Variants in ARHGAP15 observed in about 807,000 individuals in gnomAD.
The protein encoded by ARHGAP15 is Rho GTPase activating protein 15, also known as rho GTPase-activating protein 15.
ARHGAP15 carries 51 observed loss-of-function variants against 63.7 expected under a neutral mutation model. The observed-to-expected ratio is 0.80, with a 90% CI of 0.64 to 1.01. The LOEUF is 1.01. Ranked by LOEUF, ARHGAP15 falls within the 50% of genes least tolerant of loss-of-function variation. The probability of loss-of-function intolerance (pLI) is 0.00; values close to 1 mark genes in which losing one functional copy is unlikely to be tolerated. For synonymous variants in ARHGAP15, 191 were observed against 193.8 expected, an observed-to-expected ratio of 0.99 and a Z score of 0.12; for missense variants, 560 against 564.6, an observed-to-expected ratio of 0.99 and a Z score of 0.08.
chr2:143,484,403 A>C (rs187152337), intron 8 of ARHGAP15, among the ~76,000 whole-genome samples: 1 of 151,588 alleles, frequency 6.6e-6, no homozygotes, highest in African/African-American at 2.4e-5. Flanking sequence ...TTAGTGGCAC[A>C]TGCCTGTAAT....
chr2:143,564,490 T>C (rs561791719), intron 11 of ARHGAP15, among the ~76,000 whole-genome samples: 3 of 152,166 alleles, frequency 2.0e-5, no homozygotes, highest in Non-Finnish European at 4.4e-5. Flanking sequence ...TATAAGTAAG[T>C]GTTTTAAAAG....
intron 6 of ARHGAP15, among the ~76,000 whole-genome samples, chr2:143,339,296 A>G (rs1477880562): frequency 6.6e-6 from 1 of 151,842 alleles, no homozygotes; most frequent in Non-Finnish European, 1.5e-5. Flanking sequence ...TCTTTTCTCT[A>G]CTCCTGAGTA....
intron 6 of ARHGAP15, among the ~76,000 whole-genome samples, chr2:143,397,569 G>A (rs13027128): frequency 0.68 from 87,993 of 130,298 alleles, 26,179 homozygotes; most frequent in Middle Eastern, 0.74. Context: ...AAAAAAAAAC[G>A]AAGAAGAAAT....
chr2:143,288,647 C>A (rs564623682), intron 6 of ARHGAP15, among the ~76,000 whole-genome samples: 1 of 151,452 alleles, frequency 6.6e-6, no homozygotes, highest in South Asian at 2.1e-4. Context: ...TCTGCAGACA[C>A]CTTAAAGGAC....
At chr2:143,382,829 G>A (rs765440318) in intron 6 of ARHGAP15, among the ~76,000 whole-genome samples, 27 of 152,136 alleles carry the variant, frequency 1.8e-4, no homozygotes, top group African/African-American at 2.7e-4. Context: ...GAGAGTTCCC[G>A]TAGCAGAAAA....
chr2:143,308,441 T>C (rs145519872), intron 6 of ARHGAP15, among the ~76,000 whole-genome samples: 1 of 151,164 alleles, frequency 6.6e-6, no homozygotes, highest in African/African-American at 2.4e-5. Context: ...AAATCAAGGG[T>C]AATTGTACCC....
intron 12 of ARHGAP15, among the ~76,000 whole-genome samples, chr2:143,674,729 G>A (rs759458957): frequency 1.3e-5 from 2 of 152,164 alleles, no homozygotes; most frequent in Non-Finnish European, 2.9e-5. Context: ...ATGCAATAGC[G>A]TTATGTTTAC....
chr2:143,642,702 G>T (rs1355274004), intron 12 of ARHGAP15, among the ~76,000 whole-genome samples: 1 of 152,108 alleles, frequency 6.6e-6, no homozygotes, highest in Non-Finnish European at 1.5e-5. Flanking sequence ...GAATGATGAA[G>T]ACAATAAATG....
chr2:143,217,825 C>T (rs1308664833), intron 4 of ARHGAP15, among the ~76,000 whole-genome samples: 5 of 152,126 alleles, frequency 3.3e-5, no homozygotes, highest in Non-Finnish European at 7.4e-5. Flanking sequence ...TCTAAGTTAG[C>T]CAGTTCAGCC....
chr2:143,605,858 C>CAAAAAAAAAAAAAAAAAAAAAA (rs373847590), intron 11 of ARHGAP15, among the ~76,000 whole-genome samples: 4 of 85,310 alleles, frequency 4.7e-5, no homozygotes, highest in Non-Finnish European at 7.1e-5. Flanking sequence ...TACTAAAATA[C>CAAAAAAAAAAAAAAAAAAAAAA]AAAAAAAAAA....
intron 13 of ARHGAP15, among the ~76,000 whole-genome samples, chr2:143,737,950 G>A (rs1272864948): frequency 6.6e-6 from 1 of 151,992 alleles, no homozygotes; most frequent in Non-Finnish European, 1.5e-5. Context: ...TAGAGCCGGG[G>A]TTTCACCATG....
At chr2:143,519,602 G>A (rs1250165610) in intron 10 of ARHGAP15, 3 of 300,792 alleles carry the variant, frequency 1.0e-5, no homozygotes, top group Non-Finnish European at 1.3e-5. Flanking sequence ...CTGACTTACT[G>A]TTGATTCAAG....
chr2:143,687,642 A>G (rs1449109798), intron 12 of ARHGAP15, among the ~76,000 whole-genome samples: 1 of 152,240 alleles, frequency 6.6e-6, no homozygotes, highest in Non-Finnish European at 1.5e-5. Context: ...AGAAATACCT[A>G]GAGGAAAGTC....
chr2:143,452,152 T>C (rs1241018176), intron 8 of ARHGAP15, among the ~76,000 whole-genome samples: 4 of 152,178 alleles, frequency 2.6e-5, no homozygotes, highest in South Asian at 2.1e-4. Flanking sequence ...GTTTTCATTA[T>C]ACACAGAGAA....
chr2:143,497,955 T>C (rs1042985893), intron 9 of ARHGAP15, among the ~76,000 whole-genome samples: 8 of 152,142 alleles, frequency 5.3e-5, no homozygotes, highest in Admixed American at 6.5e-5. Flanking sequence ...AACTCAGATA[T>C]CCTCATTAGG....
chr2:143,594,274 A>G (rs1310891223), intron 11 of ARHGAP15, among the ~76,000 whole-genome samples: 5 of 152,184 alleles, frequency 3.3e-5, no homozygotes, highest in African/African-American at 1.2e-4. Flanking sequence ...TCCATAATTC[A>G]TACAGCTGGC....
intron 6 of ARHGAP15, among the ~76,000 whole-genome samples, chr2:143,278,871 T>TC (rs1440069712): frequency 1.7e-4 from 26 of 150,082 alleles, no homozygotes; most frequent in Admixed American, 6.6e-5. Context: ...TTTCTTTCTT[T>TC]TTTTTTTTTT....
At chr2:143,241,729 C>G (rs969406119) in intron 5 of ARHGAP15, among the ~76,000 whole-genome samples, 3 of 152,172 alleles carry the variant, frequency 2.0e-5, no homozygotes, top group African/African-American at 7.2e-5. Flanking sequence ...TCTGCCACAG[C>G]GAGAGCAGCA....
chr2:143,577,887 T>G (rs1185320568), intron 11 of ARHGAP15, among the ~76,000 whole-genome samples: 1 of 152,124 alleles, frequency 6.6e-6, no homozygotes, highest in Non-Finnish European at 1.5e-5. Context: ...AGAAATAAGA[T>G]GCTCTCTACA....
Sources: gnomAD v4.1 joint callset for allele counts (sites outside exome capture counted in the v4.1 genomes callset) on GRCh38, gnomAD v4.1.1 for gene constraint, MANE v1.5 for transcripts, NCBI Gene and HGNC (gene_info 2026-07-23, HGNC 2026-07-21) for gene names.